Variants in LRRFIP1 observed in about 807,000 individuals in gnomAD.
LRRFIP1 encodes the protein LRR binding FLII interacting protein 1.
A neutral mutation model predicts 104.4 loss-of-function variants in LRRFIP1; 62 were observed. That is an observed-to-expected ratio of 0.59 (90% CI 0.48 to 0.73). The LOEUF is 0.73. LRRFIP1 is among the 30% of genes least tolerant of loss of function. The probability of loss-of-function intolerance (pLI) is 0.00; values close to 1 mark genes in which losing one functional copy is unlikely to be tolerated. For missense variants in LRRFIP1, 796 were observed against 824.5 expected (o/e 0.97, Z 0.42); for synonymous variants, 300 against 299.0 (o/e 1.00, Z -0.03).
At position 237,750,466 on chromosome 2, in the gene LRRFIP1, A is replaced by G. The variant is rs975144585; in HGVS notation, c.796-734A>G. Among the ~76,000 whole-genome samples the G allele has an allele frequency of 1.1e-4, 16 of 150,784 alleles. No homozygotes were observed. The South Asian group carries it at 2.1e-3, about 20-fold the overall frequency. ...ATTCTCCAGCCTCAGCCTCCTGAGT[A>G]GCTGGGATTACAGGCGCCCGCCACC... On this transcript the variant is annotated intron_variant, in intron 13 of 23. Transcript: ENST00000308482.
In LRRFIP1 at chr2:237,760,048, CTA is replaced by C; in HGVS notation, c.1318-14_1318-13del. 1 of 1,611,490 alleles carries C rather than the reference CTA, an allele frequency of 6.2e-7. No individual in the cohort carries two copies. The highest frequency in any genetic ancestry group is 2.2e-5 in the East Asian group (1 of 44,878). The stretch of plus-strand genomic sequence containing the variant: ...TCACTGAGTAAATATTACGATGAGC[CTA>C]TTTTTGTTCCCAGAAACATGGAATA... On this transcript the variant is annotated splice_polypyrimidine_tract_variant and intron_variant, in intron 18 of 23. Coordinates refer to ENST00000308482, the MANE Select transcript of LRRFIP1 (RefSeq NM_001137550.2).
chr2:237,716,619 T>C (rs1042812559), intron 3 of LRRFIP1, among the ~76,000 whole-genome samples: 1 of 152,158 alleles, frequency 6.6e-6, no homozygotes, highest in African/African-American at 2.4e-5. Flanking sequence ...TCAAAAATGG[T>C]CTTGTATTTC....
intron 19 of LRRFIP1, chr2:237,764,416 G>A (rs1051848566): frequency 1.4e-5 from 19 of 1,343,154 alleles, no homozygotes; most frequent in Non-Finnish European, 9.6e-7. Flanking sequence ...ACTGTTTATA[G>A]TCCACTTAAT....
chr2:237,697,155 T>G (rs1199034517), intron 1 of LRRFIP1, among the ~76,000 whole-genome samples: 1 of 152,174 alleles, frequency 6.6e-6, no homozygotes, highest in Non-Finnish European at 1.5e-5. Flanking sequence ...CTGAAGCAGC[T>G]GGGACTACAG....
At chr2:237,751,295 C>A in intron 14 of LRRFIP1, 24 bp downstream of exon 14, 2 of 1,554,230 alleles carry the variant, frequency 1.3e-6, no homozygotes, top group Non-Finnish European at 1.8e-6. Context: ...GACGTGTGGT[C>A]TCACGATATT....
intron 1 of LRRFIP1, chr2:237,692,313 C>T (rs1244363637): frequency 1.6e-6 from 2 of 1,219,962 alleles, no homozygotes; most frequent in African/African-American, 1.6e-5. Flanking sequence ...TGGCTCCTGG[C>T]CCCGGAAGCG....
Position 237,703,490 on chromosome 2 carries a change from T to G in LRRFIP1, c.97-5054T>G, listed in dbSNP as rs2093642808. Among the ~76,000 whole-genome samples the G allele has an allele frequency of 6.6e-6, 1 of 152,164 alleles. No homozygotes were observed. The highest frequency in any genetic ancestry group is 2.4e-5 in the African/African-American group (1 of 41,424). On this transcript the variant is annotated intron_variant, in intron 1 of 23. Transcript: ENST00000308482. This position sits in a 1 kb window ranked among gnomAD's most constrained non-coding sequence, Gnocchi z 4.3. ...AATTCTTTCAAGACGAGGTTCCAGA[T>G]ACGGAGGCTGAGGGCGAGGGTCTGC...
rs151317035 is a variant in LRRFIP1, at chr2:237,747,016, G to C, written c.634-1348G>C. 2.3e-3 allele frequency among the ~76,000 whole-genome samples: 353 copies of C among 152,364 alleles called. 4 individuals carry two copies. Among genetic ancestry groups the C allele is most frequent in the African/African-American group, 8.0e-3 (331 of 41,586 alleles). On this transcript the variant is annotated intron_variant, in intron 11 of 23. Coordinates refer to ENST00000308482, the MANE Select transcript of LRRFIP1 (RefSeq NM_001137550.2). ...CTCTTGGGACACAGGAGACTGGTTA[G>C]ATGAGAGTAGAAAGTTTATTTTTGA... is the stretch of plus-strand genomic sequence containing the variant.
intron 1 of LRRFIP1, 25 bp downstream of exon 1, chr2:237,627,765 G>T (rs2081758919): frequency 1.7e-6 from 2 of 1,210,660 alleles, no homozygotes; most frequent in East Asian, 7.3e-5. Flanking sequence ...AGGGCAGCCG[G>T]GGGGCGCCGG....
At chr2:237,762,269 A>G (rs1338707566) in intron 19 of LRRFIP1, among the ~76,000 whole-genome samples, 1 of 152,144 alleles carries the variant, frequency 6.6e-6, no homozygotes, top group African/African-American at 2.4e-5. Flanking sequence ...CTGTTCCTAA[A>G]CCCATCATTG....
intron 2 of LRRFIP1, among the ~76,000 whole-genome samples, chr2:237,710,154 C>T (rs1298144234): frequency 6.6e-6 from 1 of 152,176 alleles, no homozygotes; most frequent in Non-Finnish European, 1.5e-5. Flanking sequence ...AGCCACCACA[C>T]CTGGCTTAAA....
intron 11 of LRRFIP1, among the ~76,000 whole-genome samples, chr2:237,742,214 G>A (rs1445013901): frequency 1.3e-5 from 2 of 152,204 alleles, no homozygotes; most frequent in Admixed American, 6.5e-5. Flanking sequence ...CTTCCTGGGC[G>A]TCCTGGGACC....
Position 237,751,259 on chromosome 2 carries a change from G to A in LRRFIP1, c.855G>A (p.Leu285=), listed in dbSNP as rs1249815841. The A allele has an allele frequency of 1.9e-6, 3 of 1,608,308 alleles. No individual in the cohort carries two copies. The highest frequency in any genetic ancestry group is 2.5e-6 in the Non-Finnish European group (3 of 1,177,288). The change falls in exon 14 of 24, where the codon TTG becomes TTA. Residue 285 remains leucine, a synonymous_variant. Coordinates refer to ENST00000308482, the MANE Select transcript of LRRFIP1 (RefSeq NM_001137550.2). The part of the protein sequence containing the change: ...QDVEGKYMQG[L]KEMKDSLAEV... ...TAGAAGGCAAATACATGCAGGGATT[G>A]AAAGAGATGAAGGTACCAATTCACA...
rs2060911591 is a variant in LRRFIP1, at chr2:237,774,385, C to T, written c.1735C>T (p.Arg579Cys). 3.7e-6 allele frequency: 6 copies of T among 1,613,136 alleles called. No homozygotes were observed. Among genetic ancestry groups the T allele is most frequent in the Non-Finnish European group, 4.2e-6 (5 of 1,179,290 alleles). Residue 579 changes from arginine to cysteine, a missense_variant, in exon 23 of 24, where the codon CGT becomes TGT. Transcript: ENST00000308482. The stretch of plus-strand genomic sequence containing the variant: ...AATAAGGTTAGAGAGTCAAGTATCA[C>T]GTTACAAATCAGCGGCTGAAAATGC... The part of the protein sequence containing the change: ...NVIRLESQVS[R>C]YKSAAENAEK...
chr2:237,711,908 G>A lies in LRRFIP1; in HGVS notation c.184-2351G>A, dbSNP rs1255832241. On this transcript the variant is annotated intron_variant, in intron 2 of 23. Coordinates refer to ENST00000308482, the MANE Select transcript of LRRFIP1 (RefSeq NM_001137550.2). This position sits in a 1 kb window ranked among gnomAD's most constrained non-coding sequence, Gnocchi z 4.4. Reference sequence around the variant, plus strand: ...GCCCAGTCAGCCCAGCGCAGCACGCGTTCCTAACGGCGGCAACGGTGCCTT... The same window carrying A: ...GCCCAGTCAGCCCAGCGCAGCACGCATTCCTAACGGCGGCAACGGTGCCTT... 2.0e-5 allele frequency among the ~76,000 whole-genome samples: 3 copies of A among 152,226 alleles called. No homozygotes were observed. Among genetic ancestry groups the A allele is most frequent in the South Asian group, 2.1e-4 (1 of 4,832 alleles).
At chr2:237,726,358 T>C (rs1356638739) in intron 7 of LRRFIP1, among the ~76,000 whole-genome samples, 1 of 152,174 alleles carries the variant, frequency 6.6e-6, no homozygotes, top group African/African-American at 2.4e-5. Context: ...ATTCAATTTT[T>C]TTTTCTACTT....
intron 13 of LRRFIP1, among the ~76,000 whole-genome samples, chr2:237,750,395 G>T (rs2150641001): frequency 7.8e-6 from 1 of 127,880 alleles, no homozygotes; most frequent in South Asian, 2.6e-4. Flanking sequence ...GGAGTTCAAT[G>T]GCACGATCTC....
intron 1 of LRRFIP1, among the ~76,000 whole-genome samples, chr2:237,670,248 C>CCGACACCT (rs2090121393): frequency 6.6e-6 from 1 of 152,212 alleles, no homozygotes; most frequent in Non-Finnish European, 1.5e-5. Flanking sequence ...CGTCAGTGCC[C>CCGACACCT]CGACACCTCG....
At chr2:237,747,926 CAAACA>C (rs2058086598) in intron 11 of LRRFIP1, among the ~76,000 whole-genome samples, 1 of 151,120 alleles carries the variant, frequency 6.6e-6, no homozygotes, top group South Asian at 2.1e-4. Flanking sequence ...AACAAACAAA[CAAACA>C]AAAAAAGGAG....
Sources: allele counts gnomAD v4.1 joint callset (sites outside exome capture counted in the v4.1 genomes callset), GRCh38; gene constraint gnomAD v4.1.1; non-coding constraint Gnocchi (gnomAD v3.1); transcripts MANE v1.5; gene names NCBI Gene and HGNC (gene_info 2026-07-23, HGNC 2026-07-21).